Variants in PDE1C observed in about 807,000 individuals in gnomAD.
PDE1C encodes the protein phosphodiesterase 1C.
A neutral mutation model predicts 93.1 loss-of-function variants in PDE1C; 62 were observed. That is an observed-to-expected ratio of 0.67 (90% CI 0.54 to 0.82). The LOEUF is 0.82. Ranked by LOEUF, PDE1C falls within the 40% of genes least tolerant of loss-of-function variation. The pLI, the probability that PDE1C is intolerant of heterozygous loss-of-function variation, is 0.00. For missense variants in PDE1C, 742 were observed against 884.6 expected, an observed-to-expected ratio of 0.84 and a Z score of 2.04; for synonymous variants, 325 against 310.1, an observed-to-expected ratio of 1.05 and a Z score of -0.50.
chr7:31,725,829 T>A, the PDE1C span, among the ~76,000 whole-genome samples: 1 of 152,200 alleles, frequency 6.6e-6, no homozygotes, highest in African/African-American at 2.4e-5. Context: ...ATGCCTTCTA[T>A]TTTTTGGTTT....
intron 2 of PDE1C, among the ~76,000 whole-genome samples, chr7:32,036,930 T>C (rs995419268): frequency 1.3e-5 from 2 of 152,150 alleles, no homozygotes; most frequent in East Asian, 1.9e-4. Context: ...TCACAGCAAT[T>C]TGTGTTTTAA....
chr7:32,289,681 C>G (rs1284825633), intron 1 of PDE1C, among the ~76,000 whole-genome samples: 1 of 152,118 alleles, frequency 6.6e-6, no homozygotes, highest in Non-Finnish European at 1.5e-5. Flanking sequence ...TTACTTATTA[C>G]TTTGACCTTG....
At chr7:32,044,119 C>A (rs557584120) in intron 2 of PDE1C, among the ~76,000 whole-genome samples, 1 of 152,234 alleles carries the variant, frequency 6.6e-6, no homozygotes, top group African/African-American at 2.4e-5. Flanking sequence ...ATGACATGCA[C>A]CCCACTAACT....
At chr7:31,759,848 C>CT (rs1794718323) in intron 17 of PDE1C, among the ~76,000 whole-genome samples, 1 of 152,008 alleles carries the variant, frequency 6.6e-6, no homozygotes, top group African/African-American at 2.4e-5. Flanking sequence ...CCACAACCAG[C>CT]CTATCTTTTG....
chr7:32,087,366 G>T (rs1797163525), intron 3 of PDE1C, among the ~76,000 whole-genome samples: 1 of 152,114 alleles, frequency 6.6e-6, no homozygotes, highest in South Asian at 2.1e-4. Flanking sequence ...TGCTGGAGAG[G>T]ATGTGGAGAA....
the PDE1C span, among the ~76,000 whole-genome samples, chr7:31,732,677 T>TGTGTGTGTGA: frequency 6.9e-6 from 1 of 144,276 alleles, no homozygotes; most frequent in African/African-American, 2.5e-5. Context: ...TGTGTGTGTG[T>TGTGTGTGTGA]GACTGGTCTG....
chr7:32,110,300 T>C (rs992407253), intron 3 of PDE1C, among the ~76,000 whole-genome samples: 1 of 152,192 alleles, frequency 6.6e-6, no homozygotes, highest in African/African-American at 2.4e-5. Flanking sequence ...AGGTATCTCC[T>C]CTAGGACATT....
At chr7:31,696,325 C>T in the PDE1C span, among the ~76,000 whole-genome samples, 1 of 150,594 alleles carries the variant, frequency 6.6e-6, no homozygotes, top group Non-Finnish European at 1.5e-5. Flanking sequence ...AATGATCTTT[C>T]AGTTTTCTAA....
the PDE1C span, among the ~76,000 whole-genome samples, chr7:31,619,603 T>C: frequency 6.6e-6 from 1 of 151,964 alleles, no homozygotes; most frequent in South Asian, 2.1e-4. Flanking sequence ...AGTGTTCTTT[T>C]AACAGTTAAA....
chr7:31,865,467 C>T (rs1201657368), intron 6 of PDE1C, among the ~76,000 whole-genome samples: 2 of 152,074 alleles, frequency 1.3e-5, no homozygotes, highest in Non-Finnish European at 2.9e-5. Flanking sequence ...TCTTAAATAC[C>T]CTTCCCCTCT....
rs1331584057 is a variant in PDE1C at position 32,045,580 on chromosome 7, T to G, written c.128+5974A>C. Among the ~76,000 whole-genome samples the G allele has an allele frequency of 2.6e-5, 4 of 152,176 alleles. No individual in the cohort carries two copies. The East Asian group carries it at 7.7e-4, about 29-fold the overall frequency. ...AATGCAGGATTGGTTGTGCATTAAG[T>G]TTGCAAAAATGTATGATTTGATTTA... is the stretch of plus-strand genomic sequence containing the variant. On this transcript the variant is annotated intron_variant, in intron 2 of 17. Transcript: ENST00000396191.
At chr7:32,020,352 A>G (rs920624060) in intron 2 of PDE1C, among the ~76,000 whole-genome samples, 1 of 152,132 alleles carries the variant, frequency 6.6e-6, no homozygotes, top group African/African-American at 2.4e-5. Flanking sequence ...GGGACCAAAA[A>G]TAGACATATA....
At chr7:32,252,585 A>G (rs1001347899) in intron 1 of PDE1C, among the ~76,000 whole-genome samples, 1 of 152,140 alleles carries the variant, frequency 6.6e-6, no homozygotes, top group Admixed American at 6.5e-5. Context: ...CAGCATTTGC[A>G]CAGGTCCACA....
the PDE1C span, among the ~76,000 whole-genome samples, chr7:31,661,112 A>G: frequency 1.6e-4 from 1 of 6,264 alleles, no homozygotes; most frequent in South Asian, 2.8e-3. Flanking sequence ...ATTCAGTACC[A>G]CAGAGAGGTA....
At chr7:32,237,087 T>C (rs1466700799) in intron 1 of PDE1C, among the ~76,000 whole-genome samples, 1 of 148,730 alleles carries the variant, frequency 6.7e-6, no homozygotes, top group Non-Finnish European at 1.5e-5. Context: ...AATATTCTTT[T>C]TTTTTTTTTT....
intron 2 of PDE1C, among the ~76,000 whole-genome samples, chr7:31,985,590 G>A (rs962406060): frequency 6.6e-6 from 1 of 151,108 alleles, no homozygotes; most frequent in African/African-American, 2.4e-5. Context: ...GCCCCCGACA[G>A]GTCCCAGTGT....
chr7:32,076,276 C>T (rs76703429), upstream of PDE1C, among the ~76,000 whole-genome samples: 3,857 of 152,186 alleles, frequency 0.025, 183 homozygotes, highest in African/African-American at 0.088. Context: ...CTTTGAGAAA[C>T]AAGCCATATG....
intron 1 of PDE1C, among the ~76,000 whole-genome samples, chr7:32,382,099 T>A (rs1320576962): frequency 6.6e-6 from 1 of 151,232 alleles, no homozygotes; most frequent in Non-Finnish European, 1.5e-5. Flanking sequence ...AGATCTCACA[T>A]CTGGTAGATG....
chr7:32,169,756 G>A (rs765522942), intron 3 of PDE1C: 1 of 1,599,184 alleles, frequency 6.3e-7, no homozygotes, highest in Admixed American at 1.7e-5. Context: ...CAAATAAGAA[G>A]GAACACATTG....
Sources: allele counts gnomAD v4.1 joint callset (sites outside exome capture counted in the v4.1 genomes callset), GRCh38; gene constraint gnomAD v4.1.1; transcripts MANE v1.5; gene names NCBI Gene and HGNC (gene_info 2026-07-23, HGNC 2026-07-21).